Variants in EGF observed in about 807,000 individuals in gnomAD.
EGF encodes pro-epidermal growth factor.
A neutral mutation model predicts 143.8 loss-of-function variants in EGF; 95 were observed. The ratio of observed to expected loss-of-function variants is 0.66; its 90% CI spans 0.56 to 0.78. EGF has a LOEUF of 0.78. EGF is among the 30% of genes least tolerant of loss of function. EGF has a pLI of 0.00. For synonymous variants in EGF, 510 were observed against 510.5 expected (o/e 1.00, Z 0.01); for missense variants, 1,320 against 1,470.9 (o/e 0.90, Z 1.68).
At chr4:109,986,240 T>C (rs1750089139) in intron 16 of EGF, among the ~76,000 whole-genome samples, 1 of 152,200 alleles carries the variant, frequency 6.6e-6, no homozygotes, top group Non-Finnish European at 1.5e-5. Context: ...ACCAAGTAAA[T>C]CCTGAATCAT....
intron 1 of EGF, among the ~76,000 whole-genome samples, chr4:109,932,743 A>G (rs1005879234): frequency 2.6e-5 from 4 of 152,092 alleles, no homozygotes; most frequent in Admixed American, 1.3e-4. Context: ...GCATTAGGAA[A>G]TTAACAATAT....
intron 11 of EGF, 85 bp downstream of exon 11, chr4:109,969,204 C>T (rs1254682408): frequency 1.3e-5 from 20 of 1,582,122 alleles, no homozygotes; most frequent in Admixed American, 1.0e-4. Context: ...CCACTTTGAA[C>T]ACAGAAAAAT....
intron 20 of EGF, among the ~76,000 whole-genome samples, chr4:109,997,444 C>A (rs1751964117): frequency 6.6e-6 from 1 of 152,100 alleles, no homozygotes; most frequent in African/African-American, 2.4e-5. Context: ...CATGGTGAGA[C>A]TCCATCTCTA....
Position 110,011,854 on chromosome 4 carries a change from C to G in EGF, c.*399C>G, listed in dbSNP as rs1300345218. 2 of 277,802 alleles carry G rather than the reference C, an allele frequency of 7.2e-6. No homozygotes were observed. Among genetic ancestry groups the G allele is most frequent in the Non-Finnish European group, 1.4e-5 (2 of 143,612 alleles). The allele number at this position is 277,802 out of a possible 1,614,324, so 17.2% of individuals were successfully genotyped here. On this transcript the variant is annotated 3_prime_UTR_variant, in exon 24 of 24. Coordinates refer to ENST00000265171, the MANE Select transcript of EGF (RefSeq NM_001963.6). ...TACAAAGTAATTTCTTTGATCTGGA[C>G]AGAACATTTATATCAGTTTCATGAA...
chr4:109,961,797 C>T, intron 7 of EGF, 66 bp from the exon 8 acceptor site: 2 of 1,600,216 alleles, frequency 1.2e-6, no homozygotes, highest in South Asian at 1.1e-5. Flanking sequence ...ATATTAGCAA[C>T]TGATTGCAAT....
At chr4:109,983,209 C>T (rs940583357) in intron 15 of EGF, among the ~76,000 whole-genome samples, 6 of 152,066 alleles carry the variant, frequency 3.9e-5, no homozygotes, top group African/African-American at 1.2e-4. Context: ...CCTTATCCCC[C>T]GAATCATTAA....
At chr4:109,994,965 ATGTTTTTC>A in intron 20 of EGF, 85 bp downstream of exon 20, 1 of 1,574,676 alleles carries the variant, frequency 6.4e-7, no homozygotes, top group Non-Finnish European at 8.7e-7. Context: ...TACACTCAGG[ATGTTTTTC>A]TGCAATTAGG....
chr4:110,005,782 T>C (rs1753198961), intron 22 of EGF, among the ~76,000 whole-genome samples: 1 of 152,194 alleles, frequency 6.6e-6, no homozygotes, highest in South Asian at 2.1e-4. Context: ...TGGAAGAGAC[T>C]GGAATACATG....
chr4:110,003,347 A>G (rs1366444255), intron 21 of EGF, among the ~76,000 whole-genome samples: 1 of 152,096 alleles, frequency 6.6e-6, no homozygotes, highest in Non-Finnish European at 1.5e-5. Flanking sequence ...ACTTTTTATT[A>G]ATAGCCATTC....
At chr4:109,933,475 A>T (rs1473960247) in intron 1 of EGF, among the ~76,000 whole-genome samples, 4 of 149,088 alleles carry the variant, frequency 2.7e-5, no homozygotes, top group African/African-American at 1.0e-4. Flanking sequence ...CACAACGTGC[A>T]GGTTTGTTAC....
At chr4:109,978,901 C>A (rs1489332110) in intron 13 of EGF, among the ~76,000 whole-genome samples, 5 of 152,158 alleles carry the variant, frequency 3.3e-5, no homozygotes, top group African/African-American at 1.2e-4. Context: ...GAGTTTGCCA[C>A]CAGTAGGGGA....
chr4:109,916,682 T>C (rs1237500980), intron 1 of EGF, among the ~76,000 whole-genome samples: 1 of 152,276 alleles, frequency 6.6e-6, no homozygotes, highest in African/African-American at 2.4e-5. Context: ...AGTTAATATA[T>C]GTAAAGTGCA....
intron 1 of EGF, among the ~76,000 whole-genome samples, chr4:109,937,066 G>C (rs987976861): frequency 6.6e-6 from 1 of 152,058 alleles, no homozygotes; most frequent in Non-Finnish European, 1.5e-5. Flanking sequence ...TTGGTCCAGA[G>C]CTGAGTTCAA....
chr4:109,979,463 A>C (rs575440058), intron 13 of EGF, among the ~76,000 whole-genome samples: 3 of 152,192 alleles, frequency 2.0e-5, no homozygotes, highest in Non-Finnish European at 4.4e-5. Context: ...TAATGCAGGC[A>C]AATGTGTTGG....
At position 109,951,146 on chromosome 4, in the gene EGF, A is replaced by AAAAATAAAATAAAATAAAATAAAAT. The variant is rs59869160; in HGVS notation, c.940+5902_940+5926dup. On this transcript the variant is annotated intron_variant, in intron 5 of 23. Transcript: ENST00000265171. ...ACATGGTGAAACCCTGTCTCTACTAAAAAATAAAATAAAATAAAATAAAAT... is the reference window on the plus strand; with the variant it reads ...ACATGGTGAAACCCTGTCTCTACTAAAAAATAAAATAAAATAAAATAAAATAAAATAAAATAAAATAAAATAAAAT... 1.0e-3 allele frequency among the ~76,000 whole-genome samples: 136 copies of AAAAATAAAATAAAATAAAATAAAAT among 132,992 alleles called. 2 individuals carry two copies. Among genetic ancestry groups the AAAAATAAAATAAAATAAAATAAAAT allele is most frequent in the African/African-American group, 3.7e-3 (127 of 34,182 alleles). 87.2% of individuals were successfully genotyped at this position (132,992 alleles called of 152,430 possible).
chr4:109,962,421 G>C (rs1745852577), intron 8 of EGF, among the ~76,000 whole-genome samples: 1 of 152,206 alleles, frequency 6.6e-6, no homozygotes, highest in Non-Finnish European at 1.5e-5. Flanking sequence ...AGAGACTTAA[G>C]TATATAGATA....
chr4:109,976,323 C>G, intron 13 of EGF, 88 bp downstream of exon 13: 2 of 1,123,632 alleles, frequency 1.8e-6, no homozygotes, highest in African/African-American at 1.5e-5. Flanking sequence ...ACACACATAC[C>G]ACTTAGCCGT....
At chr4:109,994,928 C>A (rs1162224887) in intron 20 of EGF, 48 bp downstream of exon 20, 1 of 1,611,666 alleles carries the variant, frequency 6.2e-7, no homozygotes, top group East Asian at 2.2e-5. Flanking sequence ...CTATTCAGTC[C>A]ATAACTTGTA....
intron 2 of EGF, among the ~76,000 whole-genome samples, chr4:109,942,297 A>G (rs1307404341): frequency 2.0e-5 from 3 of 152,246 alleles, no homozygotes; most frequent in Non-Finnish European, 1.5e-5. Context: ...TTGTTTATAA[A>G]GGACAACTGT....
Sources: gnomAD v4.1 joint callset for allele counts (sites outside exome capture counted in the v4.1 genomes callset) on GRCh38, gnomAD v4.1.1 for gene constraint, MANE v1.5 for transcripts, NCBI Gene and HGNC (gene_info 2026-07-23, HGNC 2026-07-21) for gene names.